The following IL1RAPL2 variants were observed in gnomAD, a reference collection of about 807,000 sequenced individuals.
The protein encoded by IL1RAPL2 is X-linked interleukin-1 receptor accessory protein-like 2.
IL1RAPL2 carries 3 observed loss-of-function variants against 44.1 expected under a neutral mutation model. That is an observed-to-expected ratio of 0.07 (90% CI 0.03 to 0.18). The LOEUF (loss-of-function observed/expected upper bound fraction) is 0.18. Among genes scored for constraint, IL1RAPL2 ranks in the 10% least tolerant of loss-of-function variants. IL1RAPL2 has a pLI of 1.00. For synonymous variants in IL1RAPL2, 181 were observed against 178.8 expected (o/e 1.01, Z -0.10); for missense variants, 391 against 496.4 (o/e 0.79, Z 2.02).
chrX:104,770,721 G>A (rs781075649), intron 2 of IL1RAPL2, among the ~76,000 whole-genome samples: 11 of 112,115 alleles, frequency 9.8e-5, no homozygotes, highest in South Asian at 3.7e-4. Flanking sequence ...AGAGGAATTC[G>A]TTGAAGAGAC....
At chrX:105,609,275 G>A (rs1602487940) in intron 6 of IL1RAPL2, among the ~76,000 whole-genome samples, 1 of 111,369 alleles carries the variant, frequency 9.0e-6, no homozygotes, top group Non-Finnish European at 1.9e-5. Flanking sequence ...ATTAAAAGAG[G>A]TATTTGGGGA....
intron 5 of IL1RAPL2, among the ~76,000 whole-genome samples, chrX:105,335,390 T>C (rs755549557): frequency 9.0e-6 from 1 of 111,481 alleles, no homozygotes; most frequent in South Asian, 3.8e-4. Flanking sequence ...CTGTGTCACA[T>C]AGACCCAGTC....
chrX:105,259,180 G>T (rs993991641), intron 4 of IL1RAPL2, among the ~76,000 whole-genome samples: 22 of 111,753 alleles, frequency 2.0e-4, no homozygotes, highest in African/African-American at 6.5e-4. Flanking sequence ...GGTTTCAGAG[G>T]GGGGGTATGT....
At chrX:105,081,217 C>G (rs1038850855) in intron 2 of IL1RAPL2, among the ~76,000 whole-genome samples, 2 of 111,105 alleles carry the variant, frequency 1.8e-5, no homozygotes, top group Non-Finnish European at 3.8e-5. Flanking sequence ...ATTTCTTTCT[C>G]TTACCTGATT....
chrX:104,892,288 A>G (rs941530886), intron 2 of IL1RAPL2, among the ~76,000 whole-genome samples: 2 of 111,776 alleles, frequency 1.8e-5, no homozygotes, highest in African/African-American at 6.5e-5. Context: ...AGGCTTTGGT[A>G]TCAGGATGAT....
rs142944088 is a variant in IL1RAPL2 at position 105,643,252 on chromosome X, G to A, written c.773-74115G>A. 6.5e-3 allele frequency among the ~76,000 whole-genome samples: 726 copies of A among 111,723 alleles called. 11 individuals are homozygous for A. The highest frequency in any genetic ancestry group is 0.023 in the African/African-American group (696 of 30,677). On this transcript the variant is annotated intron_variant, in intron 6 of 10. Transcript: ENST00000372582. ...GAAAGTTGAAAATTGTATACAGAGA[G>A]CTGAGGTAAATAAACCAGAGAAATA...
chrX:104,806,282 T>C (rs1057483869), intron 2 of IL1RAPL2, among the ~76,000 whole-genome samples: 3 of 112,403 alleles, frequency 2.7e-5, no homozygotes, highest in African/African-American at 9.7e-5. Context: ...CTGAAGCAGG[T>C]GCCCTTTGTT....
chrX:104,673,097 C>T (rs1266665126), intron 2 of IL1RAPL2, among the ~76,000 whole-genome samples: 4 of 111,555 alleles, frequency 3.6e-5, no homozygotes, highest in Admixed American at 9.5e-5. Flanking sequence ...AGCTCTTTAG[C>T]TTAATTAGAT....
chrX:104,684,966 G>A (rs1051751053), intron 2 of IL1RAPL2, among the ~76,000 whole-genome samples: 7 of 111,953 alleles, frequency 6.3e-5, no homozygotes, highest in African/African-American at 2.3e-4. Context: ...AGCATTCTTT[G>A]CTCAAAAATA....
intron 2 of IL1RAPL2, among the ~76,000 whole-genome samples, chrX:105,038,058 G>T (rs753208759): frequency 9.0e-6 from 1 of 111,329 alleles, no homozygotes; most frequent in African/African-American, 3.3e-5. Flanking sequence ...AGTAGTCAAA[G>T]GTTTTCCACC....
At chrX:104,989,582 G>A (rs1166267668) in intron 2 of IL1RAPL2, among the ~76,000 whole-genome samples, 1 of 111,136 alleles carries the variant, frequency 9.0e-6, no homozygotes, top group Non-Finnish European at 1.9e-5. Context: ...TCCTCTTACT[G>A]CCCAATATTT....
At chrX:104,909,106 A>G (rs1439760171) in intron 2 of IL1RAPL2, among the ~76,000 whole-genome samples, 3 of 111,261 alleles carry the variant, frequency 2.7e-5, no homozygotes, top group Non-Finnish European at 3.8e-5. Context: ...GTCTTCCATC[A>G]CTGATACCCT....
At chrX:105,627,703 A>T (rs1413618339) in intron 6 of IL1RAPL2, among the ~76,000 whole-genome samples, 1 of 111,994 alleles carries the variant, frequency 8.9e-6, no homozygotes, top group Admixed American at 9.5e-5. Flanking sequence ...AGTTGTGCTG[A>T]TCACCATTTG....
At chrX:105,406,620 T>A (rs1405192017) in intron 5 of IL1RAPL2, 18 of 1,161,995 alleles carry the variant, frequency 1.5e-5, no homozygotes, top group Non-Finnish European at 2.0e-5. Context: ...TTTAAGCCGC[T>A]GTAATCTTGC....
intron 2 of IL1RAPL2, among the ~76,000 whole-genome samples, chrX:104,796,324 A>AT (rs1296172813): frequency 1.8e-5 from 2 of 112,045 alleles, no homozygotes; most frequent in Non-Finnish European, 3.8e-5. Flanking sequence ...ATTGTTAAAT[A>AT]TTTTTGGAGC....
chrX:105,325,265 C>G (rs978229368), intron 5 of IL1RAPL2, among the ~76,000 whole-genome samples: 7 of 110,394 alleles, frequency 6.3e-5, no homozygotes, highest in African/African-American at 2.0e-4. Flanking sequence ...TTAGCCTTTT[C>G]TGGAAATTTT....
At chrX:105,041,758 C>A (rs995732477) in intron 2 of IL1RAPL2, among the ~76,000 whole-genome samples, 3 of 108,196 alleles carry the variant, frequency 2.8e-5, no homozygotes, top group African/African-American at 1.0e-4. Flanking sequence ...AAAAAGAGCC[C>A]GCATCGCCAA....
intron 5 of IL1RAPL2, among the ~76,000 whole-genome samples, chrX:105,301,647 T>C (rs2034698588): frequency 9.0e-6 from 1 of 111,670 alleles, no homozygotes; most frequent in African/African-American, 3.3e-5. Flanking sequence ...GCCTGGCTTA[T>C]TTCACTTAAC....
intron 2 of IL1RAPL2, among the ~76,000 whole-genome samples, chrX:105,142,734 C>T (rs1356942382): frequency 9.2e-6 from 1 of 109,133 alleles, no homozygotes; most frequent in African/African-American, 3.4e-5. Context: ...CCCATTAACT[C>T]GTCATTTAGC....
Sources: gnomAD v4.1 joint callset for allele counts (sites outside exome capture counted in the v4.1 genomes callset) on GRCh38, gnomAD v4.1.1 for gene constraint, MANE v1.5 for transcripts, NCBI Gene and HGNC (gene_info 2026-07-23, HGNC 2026-07-21) for gene names.